Variants in DENND4C observed in about 807,000 individuals in gnomAD.
DENND4C encodes DENN domain containing 4C.
In DENND4C, 108 loss-of-function variants were observed where a neutral mutation model predicts 203.0. That is an observed-to-expected ratio of 0.53 (90% CI 0.46 to 0.62). The LOEUF (loss-of-function observed/expected upper bound fraction) is 0.62. Among genes scored for constraint, DENND4C ranks in the 20% least tolerant of loss-of-function variants. The pLI is 0.00. For synonymous variants in DENND4C, 871 were observed against 792.4 expected (o/e 1.10, Z -1.67); for missense variants, 2,481 against 2,301.2 (o/e 1.08, Z -1.60).
chr9:19,336,598 A>T, intron 19 of DENND4C, 88 bp from the exon 20 acceptor site: 1 of 1,452,518 alleles, frequency 6.9e-7, no homozygotes, highest in Non-Finnish European at 9.1e-7. Flanking sequence ...AGTGTTCTGC[A>T]ACTATAAATG....
In DENND4C at chr9:19,346,120, A is replaced by T. The variant is rs148159541; in HGVS notation, c.3351A>T (p.Glu1117Asp). 5.6e-6 allele frequency: 9 copies of T among 1,614,098 alleles called. No homozygotes were observed. In the African/African-American group the frequency reaches 1.2e-4, roughly 22 times the overall value. ...KKSSLDSNSS[E>D]MAIMMGADAK... is the part of the protein sequence containing the mutation. Reference sequence around the variant, plus strand: ...GTAGTTTGGATTCGAATTCAAGTGAAATGGCTATCATGATGGGAGCAGATG... The same window carrying T: ...GTAGTTTGGATTCGAATTCAAGTGATATGGCTATCATGATGGGAGCAGATG... Residue 1117 changes from glutamate to aspartate, a missense_variant, in exon 23 of 33, where the codon GAA (glutamate) becomes GAT (aspartate). By Grantham distance (45) the Glu-to-Asp change is conservative. Coordinates refer to ENST00000434457, the MANE Select transcript of DENND4C (RefSeq NM_001330640.2).
At chr9:19,280,380 C>A (rs1443931975) in intron 2 of DENND4C, among the ~76,000 whole-genome samples, 1 of 152,080 alleles carries the variant, frequency 6.6e-6, no homozygotes, top group Non-Finnish European at 1.5e-5. Context: ...CTCCTGACCT[C>A]GTGATCCACC....
chr9:19,234,674 C>T (rs566860180), intron 1 of DENND4C, among the ~76,000 whole-genome samples: 12 of 151,676 alleles, frequency 7.9e-5, no homozygotes, highest in East Asian at 1.9e-4. Context: ...ACTATAGGTG[C>T]GCGTGCATGT....
In DENND4C at chr9:19,356,840, C is replaced by T. The variant is rs142476277; in HGVS notation, c.4782-132C>T. ...GAGTGAGAGTGTATTGGAAATAGGCCGTGTTTTCCTTCTGGATTATATATA... is the reference window on the plus strand; with the variant it reads ...GAGTGAGAGTGTATTGGAAATAGGCTGTGTTTTCCTTCTGGATTATATATA... On this transcript the variant is annotated intron_variant, in intron 26 of 32. Coordinates refer to ENST00000434457, the MANE Select transcript of DENND4C (RefSeq NM_001330640.2). The T allele has an allele frequency of 3.8e-4, 278 of 728,928 alleles. 1 individual carries two copies. The East Asian group carries it at 6.7e-3, about 18-fold the overall frequency. The allele number at this position is 728,928 out of a possible 1,614,324, so 45.2% of individuals were successfully genotyped here.
intron 5 of DENND4C, 109 bp downstream of exon 5, chr9:19,290,985 T>C: frequency 1.7e-6 from 2 of 1,159,080 alleles, no homozygotes; most frequent in Non-Finnish European, 2.4e-6. Flanking sequence ...ATGATACATT[T>C]TGGTTTAAAT....
chr9:19,245,302 A>G (rs150545579), intron 1 of DENND4C, among the ~76,000 whole-genome samples: 3,063 of 151,672 alleles, frequency 0.02, 56 homozygotes, highest in Non-Finnish European at 0.025. Context: ...CCCCGCCTCT[A>G]CTAAAAACAC....
intron 10 of DENND4C, among the ~76,000 whole-genome samples, chr9:19,310,132 C>T (rs992926492): frequency 2.0e-5 from 3 of 152,096 alleles, no homozygotes; most frequent in African/African-American, 7.2e-5. Context: ...GGTCTTATAT[C>T]TAGCAACTTA....
rs1254749980 is a variant in DENND4C at position 19,326,126 on chromosome 9, G to A, written c.2052G>A (p.Glu684=). 1.9e-6 allele frequency: 3 copies of A among 1,613,486 alleles called. No homozygotes were observed. Among genetic ancestry groups the A allele is most frequent in the Non-Finnish European group, 2.5e-6 (3 of 1,179,702 alleles). Reference sequence around the variant, plus strand: ...AACTAGATGATTCACAGAAAAGTGAGCATACTGTATTTATAATGCCGCCAG... The same window carrying A: ...AACTAGATGATTCACAGAAAAGTGAACATACTGTATTTATAATGCCGCCAG... ...LIELDDSQKS[E]HTVFIMPPEP... The change falls in exon 15 of 33, where the codon GAG becomes GAA. Residue 684 remains glutamate (E), a synonymous_variant. Coordinates refer to ENST00000434457, the MANE Select transcript of DENND4C (RefSeq NM_001330640.2).
chr9:19,351,483 T>G (rs1824100879), intron 24 of DENND4C, among the ~76,000 whole-genome samples: 1 of 151,974 alleles, frequency 6.6e-6, no homozygotes, highest in African/African-American at 2.4e-5. Context: ...TATAATTCGG[T>G]TCTTTTTCTC....
chr9:19,253,359 C>G (rs1353856138), intron 1 of DENND4C, among the ~76,000 whole-genome samples: 2 of 152,182 alleles, frequency 1.3e-5, no homozygotes, highest in African/African-American at 4.8e-5. Context: ...ATTTGCATCC[C>G]TTCTTTATAA....
chr9:19,353,985 C>T (rs1040755931), intron 26 of DENND4C, among the ~76,000 whole-genome samples: 5 of 152,172 alleles, frequency 3.3e-5, no homozygotes, highest in Non-Finnish European at 7.4e-5. Context: ...TCCTGACACA[C>T]TATCATCTTT....
At chr9:19,352,248 T>C in intron 25 of DENND4C, 66 bp downstream of exon 25, 4 of 1,439,122 alleles carry the variant, frequency 2.8e-6, no homozygotes, top group Non-Finnish European at 2.9e-6. Flanking sequence ...AGAATGGCAT[T>C]TAACAGGATT....
intron 2 of DENND4C, among the ~76,000 whole-genome samples, chr9:19,280,063 C>T (rs775559278): frequency 6.6e-6 from 1 of 152,056 alleles, no homozygotes; most frequent in African/African-American, 2.4e-5. Context: ...ATGTTAACAG[C>T]ATAGGTGACT....
intron 30 of DENND4C, among the ~76,000 whole-genome samples, chr9:19,363,454 G>A (rs1259559390): frequency 1.3e-5 from 2 of 151,826 alleles, no homozygotes; most frequent in African/African-American, 4.8e-5. Context: ...GGAGGTTGCA[G>A]TGAGCCAAGA....
chr9:19,349,596 T>TGAAG (rs1403567250), intron 23 of DENND4C, among the ~76,000 whole-genome samples: 2 of 152,150 alleles, frequency 1.3e-5, no homozygotes, highest in Non-Finnish European at 2.9e-5. Context: ...TATTTACACA[T>TGAAG]GAAGGAATGA....
At position 19,276,485 on chromosome 9, in the gene DENND4C, G is replaced by A; in HGVS notation, c.305+6G>A. The A allele has an allele frequency of 8.1e-7, 1 of 1,231,534 alleles. No homozygotes were observed. 76.3% of individuals were successfully genotyped at this position (1,231,534 alleles called of 1,614,324 possible). Reference sequence around the variant, plus strand: ...CCACCGCTTACAGATATTGGGTATGGTGACTTCTTTTCTTTGCTATAGTGA... The same window carrying A: ...CCACCGCTTACAGATATTGGGTATGATGACTTCTTTTCTTTGCTATAGTGA... On this transcript the variant is annotated splice_donor_region_variant and intron_variant, in intron 2 of 32. Coordinates refer to ENST00000434457, the MANE Select transcript of DENND4C (RefSeq NM_001330640.2).
chr9:19,274,486 G>T (rs1832450006), intron 1 of DENND4C, among the ~76,000 whole-genome samples: 1 of 152,094 alleles, frequency 6.6e-6, no homozygotes, highest in Admixed American at 6.6e-5. Context: ...GTAGAGATGG[G>T]ATTTCTCCAT....
At chr9:19,333,119 A>G (rs1231206539) in intron 17 of DENND4C, among the ~76,000 whole-genome samples, 1 of 151,812 alleles carries the variant, frequency 6.6e-6, no homozygotes, top group Non-Finnish European at 1.5e-5. Flanking sequence ...GGCTCAAGTG[A>G]TTTTCCTGCC....
intron 6 of DENND4C, 41 bp downstream of exon 6, chr9:19,296,287 G>C: frequency 1.5e-6 from 2 of 1,309,364 alleles, no homozygotes; most frequent in Non-Finnish European, 2.2e-6. Context: ...GGAAAACTGG[G>C]TATATAAATA....
Sources: allele counts gnomAD v4.1 joint callset (sites outside exome capture counted in the v4.1 genomes callset), GRCh38; gene constraint gnomAD v4.1.1; transcripts MANE v1.5; gene names NCBI Gene and HGNC (gene_info 2026-07-23, HGNC 2026-07-21).